Variants in PTPRD observed in about 807,000 individuals in gnomAD.
PTPRD encodes protein tyrosine phosphatase receptor type D.
A neutral mutation model predicts 214.5 loss-of-function variants in PTPRD; 34 were observed. That is an observed-to-expected ratio of 0.16 (90% confidence interval 0.12 to 0.21). The LOEUF (loss-of-function observed/expected upper bound fraction) is 0.21, where lower values mean the gene tolerates loss of function less well. Among genes scored for constraint, PTPRD ranks in the 10% least tolerant of loss-of-function variants. The probability of loss-of-function intolerance (pLI) is 1.00; values close to 1 mark genes in which losing one functional copy is unlikely to be tolerated. For missense variants in PTPRD, 2,545 were observed against 2,398.7 expected, an observed-to-expected ratio of 1.06 and a Z score of -1.27; for synonymous variants, 1,128 against 845.7, an observed-to-expected ratio of 1.33 and a Z score of -5.79.
intron 5 of PTPRD, among the ~76,000 whole-genome samples, chr9:9,935,172 G>A (rs978634633): frequency 2.6e-5 from 4 of 151,908 alleles, no homozygotes; most frequent in Non-Finnish European, 5.9e-5. Flanking sequence ...CACAAGACAG[G>A]GATGCCCTCT....
intron 18 of PTPRD, 25 bp from the exon 19 acceptor site, chr9:8,523,549 C>A (rs2097934170): frequency 6.2e-7 from 1 of 1,611,944 alleles, no homozygotes; most frequent in South Asian, 1.1e-5. Context: ...GGGTTTGATG[C>A]AGAACACAAT....
intron 11 of PTPRD, among the ~76,000 whole-genome samples, chr9:8,825,419 TACA>T (rs2097155770): frequency 6.6e-6 from 1 of 152,228 alleles, no homozygotes; most frequent in African/African-American, 2.4e-5. Context: ...TAAGAATGCT[TACA>T]ACTAGTTTTT....
chr9:9,618,941 C>G (rs1307862039), intron 7 of PTPRD, among the ~76,000 whole-genome samples: 1 of 151,874 alleles, frequency 6.6e-6, no homozygotes, highest in Non-Finnish European at 1.5e-5. Context: ...GAATAAATGT[C>G]CCAAGACATA....
At chr9:9,654,000 TATG>T (rs545318402) in intron 7 of PTPRD, among the ~76,000 whole-genome samples, 50 of 152,276 alleles carry the variant, frequency 3.3e-4, no homozygotes, top group African/African-American at 1.2e-3. Context: ...TCACTTAGAA[TATG>T]ATGAAAGGAA....
At chr9:10,488,762 G>A (rs1410939210) in intron 2 of PTPRD, among the ~76,000 whole-genome samples, 1 of 152,076 alleles carries the variant, frequency 6.6e-6, no homozygotes, top group Non-Finnish European at 1.5e-5. Flanking sequence ...GGGGAGTACT[G>A]CCAGACCATC....
At position 9,273,696 on chromosome 9, in the gene PTPRD, G is replaced by A. The variant is rs191692278; in HGVS notation, c.-202-90333C>T. Among the ~76,000 whole-genome samples, 271 of 151,282 alleles carry A rather than the reference G, an allele frequency of 1.8e-3. 3 individuals carry two copies. The highest frequency in any genetic ancestry group is 6.0e-3 in the African/African-American group (250 of 41,406). On this transcript the variant is annotated intron_variant, in intron 9 of 45. Coordinates refer to ENST00000381196, the MANE Select transcript of PTPRD (RefSeq NM_002839.4). ...TAAAAAGTTTCCATATGACCCAGTG[G>A]GTTAACCTAGCTCTGAGTGACTCCA...
At chr9:9,690,233 GATCA>G (rs1320800562) in intron 7 of PTPRD, among the ~76,000 whole-genome samples, 2 of 151,894 alleles carry the variant, frequency 1.3e-5, no homozygotes, top group African/African-American at 2.4e-5. Context: ...TTTCTCTGAT[GATCA>G]ATGATGTTGA....
chr9:10,098,433 T>C (rs964037610), intron 3 of PTPRD, among the ~76,000 whole-genome samples: 2 of 151,544 alleles, frequency 1.3e-5, no homozygotes, highest in Non-Finnish European at 2.9e-5. Context: ...ACATGGCACA[T>C]GTATACGTAT....
chr9:10,474,313 A>G (rs1233273286), intron 2 of PTPRD, among the ~76,000 whole-genome samples: 1 of 151,194 alleles, frequency 6.6e-6, no homozygotes, highest in African/African-American at 2.4e-5. Context: ...GGAAAGCAGA[A>G]AAAAAAAAAG....
intron 11 of PTPRD, among the ~76,000 whole-genome samples, chr9:8,752,905 T>C (rs918610436): frequency 6.6e-6 from 1 of 152,192 alleles, no homozygotes; most frequent in African/African-American, 2.4e-5. Context: ...TAGGGATGGT[T>C]TGGTATACAT....
intron 3 of PTPRD, among the ~76,000 whole-genome samples, chr9:10,060,866 TTCTTTCCTTCCTTCCTTCC>T (rs2097758302): frequency 1.1e-5 from 1 of 91,228 alleles, no homozygotes; most frequent in African/African-American, 1.3e-4. Context: ...TCTTCCTTCC[TTCTTTCCTTCCTTCCTTCC>T]TTCCTTCCTT....
chr9:10,502,712 C>A (rs1253800622), intron 2 of PTPRD, among the ~76,000 whole-genome samples: 1 of 152,018 alleles, frequency 6.6e-6, no homozygotes, highest in East Asian at 1.9e-4. Context: ...GTAAGCATTT[C>A]AAAAATGTAG....
chr9:10,224,742 A>G (rs2099583228), intron 3 of PTPRD, among the ~76,000 whole-genome samples: 2 of 152,018 alleles, frequency 1.3e-5, no homozygotes, highest in Non-Finnish European at 2.9e-5. Context: ...TGAGACAGGA[A>G]GACCAACTCT....
At chr9:9,947,387 ATATACATATTATATATAATATATATTT>A (rs2092777784) in intron 4 of PTPRD, among the ~76,000 whole-genome samples, 2 of 49,944 alleles carry the variant, frequency 4.0e-5, no homozygotes, top group African/African-American at 8.6e-5. Context: ...TATATATTTT[ATATACATATTATATATAATATATATTT>A]TATATATATA....
At chr9:9,642,966 T>C (rs530261501) in intron 7 of PTPRD, among the ~76,000 whole-genome samples, 39 of 152,318 alleles carry the variant, frequency 2.6e-4, no homozygotes, top group African/African-American at 9.4e-4. Flanking sequence ...TACCTTCAAC[T>C]GTCTTTAAAC....
chr9:9,717,617 G>T (rs1016974156), intron 7 of PTPRD, among the ~76,000 whole-genome samples: 1 of 152,148 alleles, frequency 6.6e-6, no homozygotes, highest in Non-Finnish European at 1.5e-5. Flanking sequence ...TCAAAACAAA[G>T]ATGTCTTATG....
intron 11 of PTPRD, among the ~76,000 whole-genome samples, chr9:8,899,105 C>T (rs929058265): frequency 1.3e-5 from 2 of 152,012 alleles, no homozygotes; most frequent in Non-Finnish European, 2.9e-5. Context: ...AAGAGAGCTG[C>T]AGAGCTAACG....
At chr9:10,606,168 T>A (rs2079276467) in intron 2 of PTPRD, among the ~76,000 whole-genome samples, 1 of 151,760 alleles carries the variant, frequency 6.6e-6, no homozygotes. Flanking sequence ...AACGGAAAAG[T>A]GACAAGATAA....
intron 4 of PTPRD, among the ~76,000 whole-genome samples, chr9:9,989,016 CAA>C (rs397836899): frequency 2.9e-3 from 105 of 36,256 alleles, no homozygotes; most frequent in African/African-American, 7.6e-3. Flanking sequence ...TTTCACTGAC[CAA>C]AAAAAAAAAA....
Sources: gnomAD v4.1 joint callset for allele counts (sites outside exome capture counted in the v4.1 genomes callset) on GRCh38, gnomAD v4.1.1 for gene constraint, MANE v1.5 for transcripts, NCBI Gene and HGNC (gene_info 2026-07-23, HGNC 2026-07-21) for gene names.